The following NEK10 variants were observed in gnomAD, a reference collection of about 807,000 sequenced individuals.
The protein encoded by NEK10 is serine/threonine-protein kinase Nek10.
Under a neutral mutation model 159.8 loss-of-function variants are expected in NEK10, and 122 were observed. The ratio of observed to expected loss-of-function variants is 0.76; its 90% CI spans 0.66 to 0.89. The LOEUF is 0.89. NEK10 is among the 40% of genes least tolerant of loss of function. The pLI, the probability that NEK10 is intolerant of heterozygous loss-of-function variation, is 0.00. For missense variants in NEK10, 1,342 were observed against 1,323.1 expected, an observed-to-expected ratio of 1.01 and a Z score of -0.22; for synonymous variants, 466 against 457.1, an observed-to-expected ratio of 1.02 and a Z score of -0.25.
chr3:27,257,788 C>CTTTT (rs79727702), intron 22 of NEK10, among the ~76,000 whole-genome samples: 3 of 130,514 alleles, frequency 2.3e-5, no homozygotes, highest in South Asian at 2.5e-4. Flanking sequence ...TTTCTTTTTT[C>CTTTT]TTTTTTTTTT....
chr3:27,113,780 G>A (rs1939972332), intron 35 of NEK10, among the ~76,000 whole-genome samples: 1 of 152,070 alleles, frequency 6.6e-6, no homozygotes, highest in Admixed American at 6.6e-5. Flanking sequence ...TCCAAAATAA[G>A]ACAAATATTT....
intron 30 of NEK10, 104 bp downstream of exon 30, chr3:27,162,597 C>A: frequency 6.2e-7 from 1 of 1,613,972 alleles, no homozygotes; most frequent in South Asian, 1.1e-5. Context: ...CAAGAGGCAG[C>A]AAAGCTGAAG....
chr3:27,153,381 C>T (rs1559521887), intron 30 of NEK10, among the ~76,000 whole-genome samples: 1 of 149,998 alleles, frequency 6.7e-6, no homozygotes, highest in Non-Finnish European at 1.5e-5. Context: ...TCCACTGACA[C>T]AATTAGACAG....
rs1275481898 is a variant in NEK10, at chr3:27,204,578, C to T, written c.2091-2021G>A. Among the ~76,000 whole-genome samples, 134 of 125,420 alleles carry T rather than the reference C, an allele frequency of 1.1e-3. 2 individuals are homozygous for T. The highest frequency in any genetic ancestry group is 0.01 in the East Asian group (45 of 4,322). 82.3% of individuals were successfully genotyped at this position (125,420 alleles called of 152,430 possible). A position where few individuals can be genotyped will look rare whatever the true frequency, so the allele number is the denominator to read the frequency against. On this transcript the variant is annotated intron_variant, in intron 23 of 35. Transcript: ENST00000691995. ...TGCAGTGTTTGGTTTTTTGTTCTTG[C>T]GATAGTTTACTGAGAATGATGATTT...
rs148905436 is a variant in NEK10 at position 27,237,717 on chromosome 3, T to C, written c.2090+18579A>G. Among the ~76,000 whole-genome samples, 8 of 152,156 alleles carry C rather than the reference T, an allele frequency of 5.3e-5. No individual in the cohort carries two copies. The East Asian group carries it at 1.5e-3, about 29-fold the overall frequency. ...GACTATATATTGGATAGAGTGTACA[T>C]TGCTCAGGTGATGGGTACACTAAAG... On this transcript the variant is annotated intron_variant, in intron 23 of 35. Coordinates refer to ENST00000691995, the MANE Select transcript of NEK10 (RefSeq NM_001394966.1).
intron 30 of NEK10, among the ~76,000 whole-genome samples, chr3:27,156,978 A>ATATATG (rs1945530591): frequency 8.6e-6 from 1 of 115,846 alleles, no homozygotes. Context: ...ATATATATAT[A>ATATATG]TGATGAAATA....
In NEK10 at chr3:27,286,055, T is replaced by C. The variant is rs188797818; in HGVS notation, c.1790-1094A>G. ...TCCTAATCTATTTTATCATATTTTA[T>C]GTATTTTTAAGCCATTTCCAATTCT... On this transcript the variant is annotated intron_variant, in intron 20 of 35. Transcript: ENST00000691995. Among the ~76,000 whole-genome samples the C allele has an allele frequency of 4.0e-5, 6 of 151,172 alleles. No homozygotes were observed. In the East Asian group the frequency reaches 1.2e-3, roughly 29 times the overall value.
chr3:27,237,362 A>G (rs1228450855), intron 23 of NEK10, among the ~76,000 whole-genome samples: 1 of 152,234 alleles, frequency 6.6e-6, no homozygotes, highest in Non-Finnish European at 1.5e-5. Flanking sequence ...ATAAGAAATT[A>G]TAAGAGTATT....
chr3:27,114,054 T>C (rs1462077279), intron 35 of NEK10, among the ~76,000 whole-genome samples: 3 of 152,146 alleles, frequency 2.0e-5, no homozygotes, highest in Admixed American at 2.0e-4. Context: ...GTATGTAAAA[T>C]GTAATTTATC....
At chr3:27,314,559 T>C (rs1333421551) in intron 6 of NEK10, among the ~76,000 whole-genome samples, 1 of 152,200 alleles carries the variant, frequency 6.6e-6, no homozygotes, top group African/African-American at 2.4e-5. Flanking sequence ...AGAATAAATC[T>C]GTGCTCAGAA....
intron 3 of NEK10, among the ~76,000 whole-genome samples, chr3:27,349,342 C>T (rs1025446753): frequency 8.6e-5 from 13 of 152,020 alleles, no homozygotes; most frequent in African/African-American, 1.2e-4. Context: ...ATTCCACTGA[C>T]GGAAAAGCAG....
rs78232243 is a variant in NEK10 at position 27,327,718 on chromosome 3, T to C, written c.363-5457A>G. ...GGCAGAAGTGACAATGTTGACTGTA[T>C]TTGTAGCACACTCTGTCTTTTTCAT... On this transcript the variant is annotated intron_variant, in intron 5 of 35. Coordinates refer to ENST00000691995, the MANE Select transcript of NEK10 (RefSeq NM_001394966.1). 5.1e-3 allele frequency among the ~76,000 whole-genome samples: 784 copies of C among 152,290 alleles called. 5 individuals carry two copies. Among genetic ancestry groups the C allele is most frequent in the Non-Finnish European group, 6.5e-3 (444 of 68,024 alleles).
At chr3:27,313,563 CAGG>C (rs1030789432) in intron 7 of NEK10, among the ~76,000 whole-genome samples, 38 of 152,178 alleles carry the variant, frequency 2.5e-4, no homozygotes, top group Admixed American at 3.9e-4. Flanking sequence ...GAGGCTGAAG[CAGG>C]AGGATTGCTT....
At chr3:27,214,999 C>A (rs1354207644) in intron 23 of NEK10, 1 of 669,950 alleles carries the variant, frequency 1.5e-6, no homozygotes, top group African/African-American at 1.8e-5. Context: ...GTCCCACTTC[C>A]GGCCAAGCTC....
chr3:27,282,738 A>G (rs2042297382), intron 22 of NEK10, among the ~76,000 whole-genome samples: 1 of 146,332 alleles, frequency 6.8e-6, no homozygotes, highest in Non-Finnish European at 1.5e-5. Context: ...ATATATATAC[A>G]TAACTGTGTT....
chr3:27,127,743 T>G (rs1007602374), intron 32 of NEK10, among the ~76,000 whole-genome samples: 1 of 152,140 alleles, frequency 6.6e-6, no homozygotes, highest in African/African-American at 2.4e-5. Context: ...TAAATATATA[T>G]TTCAAACACT....
At chr3:27,291,124 A>G in intron 18 of NEK10, 138 bp downstream of exon 18, 1 of 905,340 alleles carries the variant, frequency 1.1e-6, no homozygotes. Flanking sequence ...TCTGTTGGAC[A>G]AAAACAATCA....
At chr3:27,320,164 T>C (rs935151883) in intron 6 of NEK10, among the ~76,000 whole-genome samples, 1 of 152,160 alleles carries the variant, frequency 6.6e-6, no homozygotes, top group Non-Finnish European at 1.5e-5. Flanking sequence ...AGCAGGACAA[T>C]ATTCGTTTAA....
intron 16 of NEK10, 39 bp downstream of exon 16, chr3:27,293,549 C>G: frequency 8.9e-7 from 1 of 1,121,214 alleles, no homozygotes; most frequent in Non-Finnish European, 1.3e-6. Context: ...TAATGATCTC[C>G]TAAACCTAAT....
Sources: gnomAD v4.1 joint callset for allele counts (sites outside exome capture counted in the v4.1 genomes callset) on GRCh38, gnomAD v4.1.1 for gene constraint, MANE v1.5 for transcripts, NCBI Gene and HGNC (gene_info 2026-07-23, HGNC 2026-07-21) for gene names.